AUTS2: variants seen among roughly 807,000 people sequenced by gnomAD.
AUTS2 encodes the protein activator of transcription and developmental regulator AUTS2.
In AUTS2, 17 loss-of-function variants were observed where a neutral mutation model predicts 112.4. The ratio of observed to expected loss-of-function variants is 0.15; its 90% confidence interval spans 0.10 to 0.23. The LOEUF (loss-of-function observed/expected upper bound fraction) is 0.23. Among genes scored for constraint, AUTS2 ranks in the 10% least tolerant of loss-of-function variants. The pLI is 1.00. For missense variants in AUTS2, 1,510 were observed against 1,701.6 expected (o/e 0.89, Z 1.98); for synonymous variants, 751 against 702.7 (o/e 1.07, Z -1.09).
At chr7:70,574,169 G>T (rs1802064150) in intron 5 of AUTS2, among the ~76,000 whole-genome samples, 2 of 152,124 alleles carry the variant, frequency 1.3e-5, no homozygotes, top group Non-Finnish European at 2.9e-5. Context: ...ATTCCCCAAG[G>T]GCTGTGTAAG....
intron 4 of AUTS2, among the ~76,000 whole-genome samples, chr7:70,401,617 G>C (rs1264331858): frequency 1.3e-5 from 2 of 152,204 alleles, no homozygotes; most frequent in Non-Finnish European, 2.9e-5. Flanking sequence ...AAAGGATCCA[G>C]AATGAAGCTT....
intron 4 of AUTS2, among the ~76,000 whole-genome samples, chr7:70,409,405 A>C (rs1399773638): frequency 6.6e-6 from 1 of 152,150 alleles, no homozygotes; most frequent in African/African-American, 2.4e-5. Context: ...CATAGATGAG[A>C]ATATAGGTTA....
intron 2 of AUTS2, among the ~76,000 whole-genome samples, chr7:70,084,181 T>A (rs958304422): frequency 6.6e-6 from 1 of 152,178 alleles, no homozygotes; most frequent in Non-Finnish European, 1.5e-5. Flanking sequence ...GCACATACTG[T>A]TTGTCCTTTT....
At chr7:70,310,237 G>A (rs183596510) in intron 4 of AUTS2, among the ~76,000 whole-genome samples, 75 of 152,006 alleles carry the variant, frequency 4.9e-4, no homozygotes, top group Middle Eastern at 6.8e-3. Context: ...TTCTTTTAGG[G>A]GTCGGGAGAT....
intron 1 of AUTS2, among the ~76,000 whole-genome samples, chr7:69,746,032 T>A (rs1327275674): frequency 6.6e-6 from 1 of 151,986 alleles, no homozygotes; most frequent in African/African-American, 2.4e-5. Context: ...CCTCGCTAAT[T>A]AAAAGAATTT....
intron 4 of AUTS2, among the ~76,000 whole-genome samples, chr7:70,222,409 A>G (rs1452780130): frequency 6.6e-6 from 1 of 152,230 alleles, no homozygotes; most frequent in Non-Finnish European, 1.5e-5. Flanking sequence ...CAATAGGAAC[A>G]TGCAAAATTT....
At chr7:69,750,760 G>C (rs1787705482) in intron 1 of AUTS2, among the ~76,000 whole-genome samples, 1 of 152,084 alleles carries the variant, frequency 6.6e-6, no homozygotes, top group African/African-American at 2.4e-5. Flanking sequence ...TCATTGGTTA[G>C]CATGACAAAG....
chr7:70,499,648 T>C (rs1445377696), intron 5 of AUTS2, among the ~76,000 whole-genome samples: 4 of 152,240 alleles, frequency 2.6e-5, no homozygotes, highest in African/African-American at 9.6e-5. Flanking sequence ...GGGAATGTGT[T>C]AGTATTCTTT....
intron 1 of AUTS2, among the ~76,000 whole-genome samples, chr7:69,710,090 C>G (rs1001109752): frequency 6.6e-6 from 1 of 152,132 alleles, no homozygotes; most frequent in Non-Finnish European, 1.5e-5. Flanking sequence ...AGATCATTTT[C>G]TAGCTCCCTA....
intron 1 of AUTS2, among the ~76,000 whole-genome samples, chr7:69,784,388 G>A (rs568788628): frequency 3.3e-5 from 5 of 152,294 alleles, no homozygotes; most frequent in South Asian, 4.1e-4. Context: ...AGAAAAGGGG[G>A]TTTGGATGGA....
rs139402024 is a variant in AUTS2 at position 69,991,615 on chromosome 7, G to A, written c.522+92117G>A. Among the ~76,000 whole-genome samples, 8 of 152,308 alleles carry A rather than the reference G, an allele frequency of 5.3e-5. No individual in the cohort carries two copies. The East Asian group carries it at 1.5e-3, about 29-fold the overall frequency. ...TGTTGTTTACCACATGACAAGAGAA[G>A]AAATAAACGTTAGACATATTTCTGG... On this transcript the variant is annotated intron_variant, in intron 2 of 18. Transcript: ENST00000342771.
At chr7:70,373,165 G>T (rs1290756420) in intron 4 of AUTS2, among the ~76,000 whole-genome samples, 5 of 151,810 alleles carry the variant, frequency 3.3e-5, no homozygotes, top group Admixed American at 1.3e-4. Flanking sequence ...GGGAGTGGGG[G>T]AAGAAGGATG....
intron 2 of AUTS2, among the ~76,000 whole-genome samples, chr7:69,978,926 A>G (rs1023035043): frequency 6.6e-6 from 1 of 151,752 alleles, no homozygotes; most frequent in Admixed American, 6.6e-5. Context: ...ACACACGCAC[A>G]CACACCCATT....
At chr7:70,035,898 TTAG>T (rs1163771500) in intron 2 of AUTS2, among the ~76,000 whole-genome samples, 11 of 152,208 alleles carry the variant, frequency 7.2e-5, no homozygotes, top group Admixed American at 6.5e-4. Context: ...AAGCAGTATA[TTAG>T]GAGCTAGATA....
At chr7:70,409,197 A>G (rs938993937) in intron 4 of AUTS2, among the ~76,000 whole-genome samples, 2 of 152,222 alleles carry the variant, frequency 1.3e-5, no homozygotes, top group Non-Finnish European at 2.9e-5. Context: ...ATGACTGTCT[A>G]TCACTCTGGA....
At chr7:70,624,560 T>C (rs1804838900) in intron 5 of AUTS2, among the ~76,000 whole-genome samples, 1 of 152,170 alleles carries the variant, frequency 6.6e-6, no homozygotes, top group Admixed American at 6.5e-5. Flanking sequence ...AGGTAGTCTC[T>C]ATGCAAGCCC....
At chr7:69,980,963 A>G (rs961946185) in intron 2 of AUTS2, among the ~76,000 whole-genome samples, 2 of 152,226 alleles carry the variant, frequency 1.3e-5, no homozygotes, top group Admixed American at 6.5e-5. Flanking sequence ...TGGTATAACA[A>G]CTTACACATA....
At chr7:70,465,342 G>T (rs1797130431) in intron 5 of AUTS2, among the ~76,000 whole-genome samples, 1 of 152,154 alleles carries the variant, frequency 6.6e-6, no homozygotes, top group African/African-American at 2.4e-5. Flanking sequence ...CAGTAGGAGA[G>T]GTTTCTCATG....
At chr7:69,680,684 T>A (rs1796751561) in intron 1 of AUTS2, among the ~76,000 whole-genome samples, 2 of 152,186 alleles carry the variant, frequency 1.3e-5, no homozygotes. Flanking sequence ...TTATTTTTTA[T>A]TTTTTGAGAC....
Sources: allele counts gnomAD v4.1 joint callset (sites outside exome capture counted in the v4.1 genomes callset), GRCh38; gene constraint gnomAD v4.1.1; transcripts MANE v1.5; gene names NCBI Gene and HGNC (gene_info 2026-07-23, HGNC 2026-07-21).